Variants in NELL2 observed in about 807,000 individuals in gnomAD.
NELL2 encodes protein kinase C-binding protein NELL2.
In NELL2, 41 loss-of-function variants were observed where a neutral mutation model predicts 109.6. The observed-to-expected ratio is 0.37, with a 90% CI of 0.29 to 0.49. NELL2 has a LOEUF of 0.49. Ranked by LOEUF, NELL2 falls within the 20% of genes least tolerant of loss-of-function variation. The pLI is 0.98. For missense variants in NELL2, 900 were observed against 1,008.3 expected (o/e 0.89, Z 1.45); for synonymous variants, 355 against 344.7 (o/e 1.03, Z -0.33).
chr12:44,867,131 C>T (rs1345389516), intron 2 of NELL2, among the ~76,000 whole-genome samples: 1 of 152,112 alleles, frequency 6.6e-6, no homozygotes, highest in Non-Finnish European at 1.5e-5. Context: ...CCAAATTTAT[C>T]TTATAAGGCC....
chr12:44,708,477 C>T (rs1938011573), intron 11 of NELL2, among the ~76,000 whole-genome samples: 1 of 152,176 alleles, frequency 6.6e-6, no homozygotes, highest in South Asian at 2.1e-4. Flanking sequence ...CCATCTTTAG[C>T]ACTATACAAA....
chr12:44,525,620 G>A (rs1177254886), intron 16 of NELL2, among the ~76,000 whole-genome samples: 3 of 152,176 alleles, frequency 2.0e-5, no homozygotes, highest in African/African-American at 4.8e-5. Flanking sequence ...TACAAGGTGT[G>A]TATTCTGCTT....
intron 12 of NELL2, among the ~76,000 whole-genome samples, chr12:44,687,995 C>A (rs1450556): frequency 0.059 from 8,957 of 152,134 alleles, 871 homozygotes; most frequent in African/African-American, 0.2. Context: ...TAAGCAATTT[C>A]TCTCTAATAT....
intron 15 of NELL2, among the ~76,000 whole-genome samples, chr12:44,562,073 C>T (rs960237352): frequency 2.0e-5 from 3 of 152,156 alleles, no homozygotes; most frequent in African/African-American, 7.2e-5. Flanking sequence ...GGAAAGGACT[C>T]CCTATTTAAT....
At chr12:44,882,408 G>T (rs887580927) in intron 1 of NELL2, among the ~76,000 whole-genome samples, 1 of 145,652 alleles carries the variant, frequency 6.9e-6, no homozygotes, top group African/African-American at 2.5e-5. Context: ...ATACACATAT[G>T]TATATATGTT....
intron 13 of NELL2, among the ~76,000 whole-genome samples, chr12:44,639,871 A>G (rs1008891866): frequency 7.9e-5 from 12 of 152,112 alleles, no homozygotes; most frequent in Non-Finnish European, 1.5e-4. Context: ...ACTCTGCATG[A>G]TCGGACCCCA....
At chr12:44,681,879 CG>C (rs1260861797) in intron 12 of NELL2, among the ~76,000 whole-genome samples, 3 of 151,534 alleles carry the variant, frequency 2.0e-5, no homozygotes, top group Non-Finnish European at 1.5e-5. Context: ...AATAAACATA[CG>C]TGTGCATGTG....
intron 19 of NELL2, among the ~76,000 whole-genome samples, chr12:44,512,288 A>T (rs1941033726): frequency 6.6e-6 from 1 of 152,154 alleles, no homozygotes; most frequent in South Asian, 2.1e-4. Context: ...CTATCATCTC[A>T]CTCCAGTTAG....
At chr12:44,780,050 C>T (rs369932549) in intron 3 of NELL2, 28 bp from the exon 4 acceptor site, 4 of 1,603,910 alleles carry the variant, frequency 2.5e-6, no homozygotes, top group African/African-American at 1.3e-5. Context: ...ACATGGGACA[C>T]ATTAAAAATA....
intron 2 of NELL2, among the ~76,000 whole-genome samples, chr12:44,840,033 C>CA (rs1238956401): frequency 6.6e-6 from 1 of 152,194 alleles, no homozygotes; most frequent in Admixed American, 6.5e-5. Flanking sequence ...CTACCTACAC[C>CA]AAACCACTCG....
At chr12:44,895,367 C>G (rs1022792886) in intron 1 of NELL2, among the ~76,000 whole-genome samples, 26 of 152,082 alleles carry the variant, frequency 1.7e-4, no homozygotes, top group African/African-American at 6.3e-4. Flanking sequence ...CAATTTGGAT[C>G]TAAGATTTAT....
chr12:44,577,478 T>TTG (rs1476027264), intron 15 of NELL2, among the ~76,000 whole-genome samples: 10 of 131,012 alleles, frequency 7.6e-5, no homozygotes, highest in African/African-American at 3.2e-4. Context: ...TTTTTTTTTT[T>TTG]TTTTTTTTTT....
At chr12:44,575,437 G>A (rs139772273) in intron 15 of NELL2, among the ~76,000 whole-genome samples, 3 of 152,326 alleles carry the variant, frequency 2.0e-5, no homozygotes, top group African/African-American at 7.2e-5. Flanking sequence ...CTGTATCTTT[G>A]CTGCAAAGCA....
intron 15 of NELL2, among the ~76,000 whole-genome samples, chr12:44,578,201 A>C (rs1046696074): frequency 4.6e-5 from 7 of 150,644 alleles, no homozygotes; most frequent in Middle Eastern, 3.4e-3. Context: ...TTTTTTTTTT[A>C]CTAACTTTCT....
intron 15 of NELL2, among the ~76,000 whole-genome samples, chr12:44,540,798 A>AAAAAAAAAAT (rs1942523762): frequency 6.7e-6 from 1 of 150,274 alleles, no homozygotes; most frequent in Non-Finnish European, 1.5e-5. Context: ...AAAAAAAAAA[A>AAAAAAAAAAT]GCCCATCCTC....
At chr12:44,734,747 T>A (rs1939550528) in intron 9 of NELL2, among the ~76,000 whole-genome samples, 1 of 152,052 alleles carries the variant, frequency 6.6e-6, no homozygotes, top group Non-Finnish European at 1.5e-5. Flanking sequence ...TATTGTTGTA[T>A]TTTTAAATTT....
At chr12:44,756,791 A>G (rs1245441731) in intron 9 of NELL2, among the ~76,000 whole-genome samples, 3 of 152,084 alleles carry the variant, frequency 2.0e-5, no homozygotes, top group Non-Finnish European at 4.4e-5. Context: ...TAGATTTTAA[A>G]TGTAGGAGTA....
At chr12:44,863,691 A>G (rs1300673028) in intron 2 of NELL2, among the ~76,000 whole-genome samples, 1 of 152,218 alleles carries the variant, frequency 6.6e-6, no homozygotes, top group African/African-American at 2.4e-5. Flanking sequence ...AAAGGATGCT[A>G]ATTAGTAACA....
chr12:44,742,771 G>C (rs970886859), intron 9 of NELL2, among the ~76,000 whole-genome samples: 1 of 152,094 alleles, frequency 6.6e-6, no homozygotes, highest in African/African-American at 2.4e-5. Flanking sequence ...AAAAAGAAAT[G>C]AACAAAGCCT....
Sources: allele counts gnomAD v4.1 joint callset (sites outside exome capture counted in the v4.1 genomes callset), GRCh38; gene constraint gnomAD v4.1.1; transcripts MANE v1.5; gene names NCBI Gene and HGNC (gene_info 2026-07-23, HGNC 2026-07-21).